Variants in CNTN1 observed in about 807,000 individuals in gnomAD.
CNTN1 encodes the protein contactin 1, also known as contactin-1.
A neutral mutation model predicts 126.4 loss-of-function variants in CNTN1; 38 were observed. The observed-to-expected ratio is 0.30, with a 90% confidence interval of 0.23 to 0.39. The LOEUF is 0.39. Ranked by LOEUF, CNTN1 falls within the 10% of genes least tolerant of loss-of-function variation. The pLI is 1.00. For missense variants in CNTN1, 1,009 were observed against 1,248.4 expected (o/e 0.81, Z 2.89); for synonymous variants, 413 against 422.6 (o/e 0.98, Z 0.28).
At chr12:40,809,741 G>A (rs1018488051) in intron 1 of CNTN1, among the ~76,000 whole-genome samples, 35 of 151,816 alleles carry the variant, frequency 2.3e-4, no homozygotes, top group Non-Finnish European at 3.7e-4. Context: ...GCTTGAACCC[G>A]GGGGGCAGAG....
chr12:40,847,915 A>G (rs1942573425), intron 1 of CNTN1, among the ~76,000 whole-genome samples: 1 of 152,210 alleles, frequency 6.6e-6, no homozygotes, highest in African/African-American at 2.4e-5. Flanking sequence ...TCTCATAAGA[A>G]GCGCACAATC....
intron 17 of CNTN1, among the ~76,000 whole-genome samples, chr12:41,000,103 TA>T (rs780000946): frequency 4.9e-4 from 75 of 152,144 alleles, no homozygotes; most frequent in Non-Finnish European, 8.8e-4. Flanking sequence ...ACAAAGTGCT[TA>T]AAAGAAACAT....
chr12:40,693,127 CT>C (rs967316757), intron 1 of CNTN1, among the ~76,000 whole-genome samples: 2 of 152,202 alleles, frequency 1.3e-5, no homozygotes, highest in Admixed American at 1.3e-4. Flanking sequence ...CTGTTAAGAT[CT>C]AGCTCCCTTC....
chr12:40,984,399 T>A (rs1373932294), intron 16 of CNTN1, among the ~76,000 whole-genome samples: 1 of 152,176 alleles, frequency 6.6e-6, no homozygotes, highest in Non-Finnish European at 1.5e-5. Context: ...TTCTGCAGGA[T>A]ATACAAGAAT....
intron 1 of CNTN1, among the ~76,000 whole-genome samples, chr12:40,860,989 C>A (rs1943099190): frequency 6.6e-6 from 1 of 152,026 alleles, no homozygotes; most frequent in Admixed American, 6.6e-5. Flanking sequence ...ATTCCAAAAG[C>A]TTTAGGAGCT....
chr12:40,938,461 C>CATTGTTTAA (rs2136934938), intron 11 of CNTN1, among the ~76,000 whole-genome samples: 2 of 152,278 alleles, frequency 1.3e-5, no homozygotes, highest in African/African-American at 4.8e-5. Flanking sequence ...GAAGGAGAGA[C>CATTGTTTAA]TGCATTGTTT....
In CNTN1 at chr12:41,070,173, T is replaced by A. The variant is rs1950132976; in HGVS notation, c.*138T>A. 1.3e-6 allele frequency: 1 copy of A among 763,298 alleles called. No individual in the cohort carries two copies. The highest frequency in any genetic ancestry group is 1.7e-5 in the African/African-American group (1 of 58,432). 47.3% of individuals were successfully genotyped at this position (763,298 alleles called of 1,614,324 possible). ...ACTTTAACAAACTATTCAACTGATT[T>A]ACAACACACATGATGACTGAGGCAT... On this transcript the variant is annotated 3_prime_UTR_variant, in exon 24 of 24. Coordinates refer to ENST00000551295, the MANE Select transcript of CNTN1 (RefSeq NM_001843.4).
chr12:40,727,292 T>C (rs1306340127), intron 1 of CNTN1, among the ~76,000 whole-genome samples: 2 of 151,824 alleles, frequency 1.3e-5, no homozygotes, highest in East Asian at 3.9e-4. Flanking sequence ...ATGTTTAAAA[T>C]GACATAAAGC....
chr12:40,963,882 A>T (rs1947200333), intron 15 of CNTN1, among the ~76,000 whole-genome samples: 1 of 152,132 alleles, frequency 6.6e-6, no homozygotes, highest in Admixed American at 6.6e-5. Context: ...AGTGTCATTT[A>T]GAGGCAAGAG....
At chr12:41,014,188 T>G in intron 17 of CNTN1, 40 bp from the exon 18 acceptor site, 2 of 1,597,260 alleles carry the variant, frequency 1.3e-6, no homozygotes, top group Non-Finnish European at 1.7e-6. Context: ...CAGGCCCTCT[T>G]TTTGTTGTTG....
At chr12:40,992,351 A>G (rs770527343) in intron 16 of CNTN1, among the ~76,000 whole-genome samples, 1 of 152,138 alleles carries the variant, frequency 6.6e-6, no homozygotes, top group Non-Finnish European at 1.5e-5. Flanking sequence ...AAATGATAAG[A>G]TATTGCGTCA....
chr12:40,709,573 T>C (rs1565629482), intron 1 of CNTN1, among the ~76,000 whole-genome samples: 1 of 152,246 alleles, frequency 6.6e-6, no homozygotes. Flanking sequence ...GGCATCTTTT[T>C]CCAGTATAAG....
intron 9 of CNTN1, 106 bp from the exon 10 acceptor site, chr12:40,936,675 A>T (rs928691481): frequency 7.2e-7 from 1 of 1,384,474 alleles, no homozygotes; most frequent in African/African-American, 1.4e-5. Context: ...ACACTATCTG[A>T]TGTATTCTGC....
rs139355544 is a variant in CNTN1 at position 41,009,845 on chromosome 12, C to A, written c.2114-4383C>A. Among the ~76,000 whole-genome samples, 341 of 152,268 alleles carry A rather than the reference C, an allele frequency of 2.2e-3. 6 individuals carry two copies. Among genetic ancestry groups the A allele is most frequent in the African/African-American group, 8.0e-3 (332 of 41,554 alleles). On this transcript the variant is annotated intron_variant, in intron 17 of 23. Coordinates refer to ENST00000551295, the MANE Select transcript of CNTN1 (RefSeq NM_001843.4). ...CTCATTGTTCCTTCAGTTGCCCACA[C>A]TTCTGGATTGATATTAGCTTCTACC...
At chr12:41,022,975 C>A (rs1327228928) in intron 20 of CNTN1, among the ~76,000 whole-genome samples, 12 of 151,954 alleles carry the variant, frequency 7.9e-5, no homozygotes. Flanking sequence ...AGAGAAAAAT[C>A]CATATTATTT....
chr12:40,978,294 T>C (rs1196972561), intron 15 of CNTN1, among the ~76,000 whole-genome samples: 1 of 152,020 alleles, frequency 6.6e-6, no homozygotes, highest in Admixed American at 6.6e-5. Flanking sequence ...TCAGGCATTT[T>C]TGGGGAGATA....
At chr12:40,817,658 C>T (rs897359231) in intron 1 of CNTN1, among the ~76,000 whole-genome samples, 1 of 151,680 alleles carries the variant, frequency 6.6e-6, no homozygotes, top group Non-Finnish European at 1.5e-5. Flanking sequence ...GCATTTAGCC[C>T]ATTTACATTT....
At chr12:40,999,696 G>GAT (rs1948306914) in intron 17 of CNTN1, among the ~76,000 whole-genome samples, 1 of 118,292 alleles carries the variant, frequency 8.5e-6, no homozygotes, top group Non-Finnish European at 1.7e-5. Flanking sequence ...GTTCTTCTGT[G>GAT]CTTTTTTTTT....
chr12:40,845,660 G>A (rs1942472755), intron 1 of CNTN1, among the ~76,000 whole-genome samples: 1 of 152,130 alleles, frequency 6.6e-6, no homozygotes, highest in African/African-American at 2.4e-5. Context: ...CCAGCCTCTG[G>A]AGATGAGAGG....
Sources: allele counts gnomAD v4.1 joint callset (sites outside exome capture counted in the v4.1 genomes callset), GRCh38; gene constraint gnomAD v4.1.1; transcripts MANE v1.5; gene names NCBI Gene and HGNC (gene_info 2026-07-23, HGNC 2026-07-21).